SCHIP1: variants seen among roughly 807,000 people sequenced by gnomAD.
SCHIP1 encodes schwannomin interacting protein 1, also known as schwannomin-interacting protein 1.
Under a neutral mutation model 29.7 loss-of-function variants are expected in SCHIP1, and 8 were observed. The observed-to-expected ratio is 0.27, with a 90% CI of 0.16 to 0.49. The LOEUF (loss-of-function observed/expected upper bound fraction) is 0.49. SCHIP1 is among the 20% of genes least tolerant of loss of function. SCHIP1 has a pLI of 0.99. For synonymous variants in SCHIP1, 76 were observed against 94.9 expected, an observed-to-expected ratio of 0.80 and a Z score of 1.16; for missense variants, 193 against 294.6, an observed-to-expected ratio of 0.66 and a Z score of 2.52.
the SCHIP1 span, among the ~76,000 whole-genome samples, chr3:159,357,280 T>C: frequency 6.6e-6 from 1 of 152,214 alleles, no homozygotes; most frequent in African/African-American, 2.4e-5. Flanking sequence ...TACTAGGATT[T>C]ACATATATGC....
At chr3:159,452,775 A>G in the SCHIP1 span, among the ~76,000 whole-genome samples, 3 of 152,226 alleles carry the variant, frequency 2.0e-5, no homozygotes, top group African/African-American at 7.2e-5. Context: ...CAACAGTATA[A>G]AAGTGTTTCT....
At chr3:159,669,668 T>G in the SCHIP1 span, among the ~76,000 whole-genome samples, 4 of 152,340 alleles carry the variant, frequency 2.6e-5, no homozygotes, top group East Asian at 5.8e-4. Context: ...CAACTTACTC[T>G]GCTCCCTGTA....
At chr3:159,424,065 A>G in the SCHIP1 span, among the ~76,000 whole-genome samples, 1 of 134,446 alleles carries the variant, frequency 7.4e-6, no homozygotes, top group South Asian at 2.7e-4. Context: ...TCAAAAACCA[A>G]AAGTAGATAA....
the SCHIP1 span, among the ~76,000 whole-genome samples, chr3:159,648,513 T>A: frequency 1.3e-5 from 2 of 152,196 alleles, no homozygotes; most frequent in Admixed American, 6.6e-5. Flanking sequence ...GCTAGACACA[T>A]AACAACTGTT....
the SCHIP1 span, among the ~76,000 whole-genome samples, chr3:159,740,725 G>A: frequency 8.5e-6 from 1 of 117,458 alleles, no homozygotes; most frequent in South Asian, 2.9e-4. Context: ...ACTTCATTGT[G>A]TAGCCAAAAA....
the SCHIP1 span, among the ~76,000 whole-genome samples, chr3:159,671,850 G>C: frequency 6.6e-6 from 1 of 152,170 alleles, no homozygotes; most frequent in Non-Finnish European, 1.5e-5. Context: ...AAGAGTCTGA[G>C]AAATGCGAGA....
the SCHIP1 span, among the ~76,000 whole-genome samples, chr3:159,730,891 C>T: frequency 6.6e-6 from 1 of 152,118 alleles, no homozygotes; most frequent in Non-Finnish European, 1.5e-5. Flanking sequence ...CCCAGGGTTC[C>T]ATTCAGTTGA....
chr3:159,378,398 TATAATATCA>T, the SCHIP1 span, among the ~76,000 whole-genome samples: 2 of 152,208 alleles, frequency 1.3e-5, no homozygotes, highest in African/African-American at 4.8e-5. Context: ...TTCTAAGAGG[TATAATATCA>T]AACAGATCAC....
At chr3:159,496,819 G>A in the SCHIP1 span, among the ~76,000 whole-genome samples, 14 of 152,114 alleles carry the variant, frequency 9.2e-5, no homozygotes, top group South Asian at 2.1e-4. Flanking sequence ...TGTTTATTGC[G>A]GCACTATTCA....
chr3:159,379,383 G>A, the SCHIP1 span, among the ~76,000 whole-genome samples: 1 of 152,076 alleles, frequency 6.6e-6, no homozygotes, highest in African/African-American at 2.4e-5. Context: ...CACGATGCCT[G>A]GCTAATTTTT....
the SCHIP1 span, among the ~76,000 whole-genome samples, chr3:159,684,752 C>T: frequency 7.4e-4 from 109 of 146,470 alleles, no homozygotes; most frequent in Non-Finnish European, 8.5e-4. Flanking sequence ...TGCAGTGAGC[C>T]GAGTTTATGC....
At chr3:159,537,282 C>T in the SCHIP1 span, among the ~76,000 whole-genome samples, 1 of 152,136 alleles carries the variant, frequency 6.6e-6, no homozygotes, top group South Asian at 2.1e-4. Context: ...AGTAGAATTG[C>T]CCCAACACCT....
At chr3:159,840,796 C>CA (rs1321461421) in intron 1 of SCHIP1, among the ~76,000 whole-genome samples, 1 of 152,140 alleles carries the variant, frequency 6.6e-6, no homozygotes, top group Non-Finnish European at 1.5e-5. Flanking sequence ...CAACATGCAT[C>CA]AAAAACTCCA....
At chr3:159,684,896 C>T in the SCHIP1 span, among the ~76,000 whole-genome samples, 1 of 151,540 alleles carries the variant, frequency 6.6e-6, no homozygotes, top group African/African-American at 2.4e-5. Context: ...TCAATAATTA[C>T]CAAACTTCAA....
the SCHIP1 span, among the ~76,000 whole-genome samples, chr3:159,766,462 A>G: frequency 6.6e-6 from 1 of 152,224 alleles, no homozygotes; most frequent in Non-Finnish European, 1.5e-5. Context: ...TTTCCATTAC[A>G]GTCAATACTA....
the SCHIP1 span, among the ~76,000 whole-genome samples, chr3:159,406,102 C>T: frequency 6.6e-6 from 1 of 151,264 alleles, no homozygotes; most frequent in Non-Finnish European, 1.5e-5. Context: ...AGGAAGATAT[C>T]AATATTCAAG....
At chr3:159,468,526 C>T in the SCHIP1 span, among the ~76,000 whole-genome samples, 17 of 151,304 alleles carry the variant, frequency 1.1e-4, no homozygotes, top group Non-Finnish European at 2.2e-4. Context: ...GTTAGATAAG[C>T]ACATATTTAA....
the SCHIP1 span, among the ~76,000 whole-genome samples, chr3:159,778,712 T>C: frequency 6.6e-6 from 1 of 152,194 alleles, no homozygotes; most frequent in African/African-American, 2.4e-5. Context: ...ATATTTGCTA[T>C]GTAAATGCTT....
At chr3:159,317,081 G>A in the SCHIP1 span, among the ~76,000 whole-genome samples, 87 of 152,180 alleles carry the variant, frequency 5.7e-4, 5 homozygotes, top group Non-Finnish European at 1.5e-5. Flanking sequence ...TGCCTGGATT[G>A]TACTGTTGTA....
Sources: allele counts gnomAD v4.1 joint callset (sites outside exome capture counted in the v4.1 genomes callset), GRCh38; gene constraint gnomAD v4.1.1; transcripts MANE v1.5; gene names NCBI Gene and HGNC (gene_info 2026-07-23, HGNC 2026-07-21).